Variants in GNA14 observed in about 807,000 individuals in gnomAD.
GNA14 encodes G protein subunit alpha 14.
A neutral mutation model predicts 42.0 loss-of-function variants in GNA14; 50 were observed. The ratio of observed to expected loss-of-function variants is 1.19; its 90% confidence interval spans 0.95 to 1.51. The LOEUF (loss-of-function observed/expected upper bound fraction) is 1.51, where lower values mean the gene tolerates loss of function less well. GNA14 is among the 40% of genes most tolerant of loss of function. The pLI is 0.00. For synonymous variants in GNA14, 173 were observed against 163.1 expected (o/e 1.06, Z -0.46); for missense variants, 473 against 446.2 (o/e 1.06, Z -0.54).
intron 2 of GNA14, among the ~76,000 whole-genome samples, chr9:77,488,062 C>G (rs905827659): frequency 6.6e-6 from 1 of 152,132 alleles, no homozygotes; most frequent in Non-Finnish European, 1.5e-5. Context: ...AAGCAATGTA[C>G]AGGCCAAAAT....
At chr9:77,615,180 A>C (rs968781876) in intron 1 of GNA14, among the ~76,000 whole-genome samples, 1 of 152,162 alleles carries the variant, frequency 6.6e-6, no homozygotes. Flanking sequence ...CACAGGAAGA[A>C]ATGTAACTAA....
chr9:77,647,328 C>T (rs140470245), intron 1 of GNA14, among the ~76,000 whole-genome samples: 43 of 152,268 alleles, frequency 2.8e-4, no homozygotes, highest in African/African-American at 1.0e-3. Context: ...TCACCACAGA[C>T]CCCAAGCTGG....
intron 2 of GNA14, among the ~76,000 whole-genome samples, chr9:77,482,688 AC>A (rs1471940502): frequency 1.3e-5 from 2 of 152,210 alleles, no homozygotes; most frequent in Non-Finnish European, 2.9e-5. Flanking sequence ...ACTTTCAGGT[AC>A]ACCAATCAGA....
rs555398449 is a variant in GNA14 at position 77,603,968 on chromosome 9, A to C, written c.124+43702T>G. On this transcript the variant is annotated intron_variant, in intron 1 of 6. Transcript: ENST00000341700. ...CAAAAAAAAAAAACAAAAAAAAAAA[A>C]AAAAAAAAAAAAACACCTCTGAGAA... Among the ~76,000 whole-genome samples, 598 of 148,140 alleles carry C rather than the reference A, an allele frequency of 4.0e-3. 4 individuals are homozygous for C. The highest frequency in any genetic ancestry group is 0.013 in the African/African-American group (534 of 39,558).
intron 1 of GNA14, among the ~76,000 whole-genome samples, chr9:77,646,604 C>A (rs1824356075): frequency 6.6e-6 from 1 of 152,014 alleles, no homozygotes; most frequent in South Asian, 2.1e-4. Flanking sequence ...GAGGGTGATT[C>A]CTATACAAGG....
intron 1 of GNA14, among the ~76,000 whole-genome samples, chr9:77,603,793 G>A (rs548633148): frequency 7.9e-5 from 12 of 151,664 alleles, no homozygotes; most frequent in African/African-American, 2.2e-4. Flanking sequence ...GTGAAACCCC[G>A]TCTCCACTAA....
chr9:77,563,884 G>GTTTA, intron 1 of GNA14, among the ~76,000 whole-genome samples: 1 of 152,282 alleles, frequency 6.6e-6, no homozygotes, highest in East Asian at 1.9e-4. Flanking sequence ...GTTTGTCAGA[G>GTTTA]TTTATCCAGA....
chr9:77,494,886 G>T (rs1282316510), intron 2 of GNA14, among the ~76,000 whole-genome samples: 1 of 152,212 alleles, frequency 6.6e-6, no homozygotes, highest in East Asian at 1.9e-4. Context: ...TGCAACCTCT[G>T]TCTCCAGGGT....
At chr9:77,515,436 G>A (rs77896726) in intron 2 of GNA14, among the ~76,000 whole-genome samples, 26 of 152,214 alleles carry the variant, frequency 1.7e-4, no homozygotes, top group Non-Finnish European at 2.2e-4. Flanking sequence ...CGGCAGAGCC[G>A]GGCAGCCACT....
chr9:77,535,887 GTTT>G, intron 1 of GNA14, among the ~76,000 whole-genome samples: 1 of 13,906 alleles, frequency 7.2e-5, no homozygotes, highest in African/African-American at 5.8e-4. Context: ...CAGTTTAGTT[GTTT>G]TGTTTTTTTT....
At chr9:77,585,106 A>T (rs1823283224) in intron 1 of GNA14, among the ~76,000 whole-genome samples, 1 of 152,132 alleles carries the variant, frequency 6.6e-6, no homozygotes, top group African/African-American at 2.4e-5. Flanking sequence ...GCCTCATTTC[A>T]CCCAGCTCCT....
intron 1 of GNA14, among the ~76,000 whole-genome samples, chr9:77,634,226 C>A (rs1299096898): frequency 1.3e-5 from 2 of 151,816 alleles, no homozygotes; most frequent in Non-Finnish European, 2.9e-5. Flanking sequence ...TCAAGACCAG[C>A]CTGGGCAACA....
chr9:77,549,821 C>T (rs1837767686), intron 1 of GNA14, among the ~76,000 whole-genome samples: 2 of 152,120 alleles, frequency 1.3e-5, no homozygotes, highest in South Asian at 2.1e-4. Context: ...CCCAAGGGAC[C>T]GTGCCTATTT....
At chr9:77,525,834 G>A (rs920585645) in intron 2 of GNA14, among the ~76,000 whole-genome samples, 1 of 150,866 alleles carries the variant, frequency 6.6e-6, no homozygotes. Context: ...CACCGCACCC[G>A]GCCGTGCCCC....
At chr9:77,585,557 T>C (rs960720259) in intron 1 of GNA14, among the ~76,000 whole-genome samples, 1 of 152,308 alleles carries the variant, frequency 6.6e-6, no homozygotes, top group Admixed American at 6.5e-5. Context: ...TGACCATTTC[T>C]CTGACCATTA....
At chr9:77,474,901 G>A (rs1010411452) in intron 2 of GNA14, among the ~76,000 whole-genome samples, 3 of 152,054 alleles carry the variant, frequency 2.0e-5, no homozygotes, top group African/African-American at 7.3e-5. Context: ...GTCACGAATG[G>A]CCACATATTA....
intron 2 of GNA14, among the ~76,000 whole-genome samples, chr9:77,516,263 A>G (rs1377096437): frequency 2.6e-5 from 4 of 152,222 alleles, no homozygotes; most frequent in Admixed American, 2.6e-4. Flanking sequence ...TATAACAAAT[A>G]TTTATCAAAT....
chr9:77,494,718 G>T (rs1333207638), intron 2 of GNA14, among the ~76,000 whole-genome samples: 2 of 152,174 alleles, frequency 1.3e-5, no homozygotes, highest in Non-Finnish European at 2.9e-5. Flanking sequence ...AATTTTAAAG[G>T]TGAAAACCAA....
chr9:77,505,226 T>G (rs1837049236), intron 2 of GNA14, among the ~76,000 whole-genome samples: 2 of 152,236 alleles, frequency 1.3e-5, no homozygotes, highest in South Asian at 4.1e-4. Flanking sequence ...ACAGCACTTT[T>G]GAAAGCATAG....
Sources: allele counts gnomAD v4.1 joint callset (sites outside exome capture counted in the v4.1 genomes callset), GRCh38; gene constraint gnomAD v4.1.1; transcripts MANE v1.5; gene names NCBI Gene and HGNC (gene_info 2026-07-23, HGNC 2026-07-21).